The following KLHL36 variants were observed in gnomAD, a reference collection of about 807,000 sequenced individuals.
The protein encoded by KLHL36 is kelch like family member 36.
Under a neutral mutation model 53.3 loss-of-function variants are expected in KLHL36, and 35 were observed. The ratio of observed to expected loss-of-function variants is 0.66; its 90% CI spans 0.50 to 0.87. KLHL36 has a LOEUF of 0.87. Among genes scored for constraint, KLHL36 ranks in the 40% least tolerant of loss-of-function variants. KLHL36 has a pLI of 0.00. For missense variants in KLHL36, 864 were observed against 897.6 expected (o/e 0.96, Z 0.48); for synonymous variants, 472 against 398.9 (o/e 1.18, Z -2.18).
rs1907627632 is a variant in KLHL36, at chr16:84,662,658, C to A, written c.*525C>A. On this transcript the variant is annotated 3_prime_UTR_variant, in exon 5 of 5. Coordinates refer to ENST00000564996, the MANE Select transcript of KLHL36 (RefSeq NM_024731.4). ...TTGGAATTCTGGGTATTAGTCACAT[C>A]TGGGAATCACTGGCAAGGTCCAGTG... The A allele has an allele frequency of 6.5e-6, 1 of 153,356 alleles. No homozygotes were observed. The highest frequency in any genetic ancestry group is 2.4e-5 in the African/African-American group (1 of 41,450). The allele number at this position is 153,356 out of a possible 1,614,324, so 9.5% of individuals were successfully genotyped here.
intron 4 of KLHL36, among the ~76,000 whole-genome samples, chr16:84,660,619 C>T (rs749387642): frequency 2.6e-5 from 4 of 151,968 alleles, no homozygotes; most frequent in African/African-American, 7.3e-5. Flanking sequence ...GTGGGGTAAG[C>T]GCTCGTATTT....
chr16:84,652,887 T>C (rs142686689), intron 2 of KLHL36, among the ~76,000 whole-genome samples: 1 of 152,358 alleles, frequency 6.6e-6, no homozygotes, highest in Non-Finnish European at 1.5e-5. Context: ...GTCTTCCCAC[T>C]GTGTGGCCAC....
intron 2 of KLHL36, among the ~76,000 whole-genome samples, chr16:84,655,725 G>T (rs181315242): frequency 6.8e-6 from 1 of 147,272 alleles, no homozygotes; most frequent in African/African-American, 2.5e-5. Context: ...AAAAAAAGTC[G>T]AACCACATAG....
Position 84,650,845 on chromosome 16 carries a change from C to T in KLHL36, c.-16-7C>T. 6.2e-7 allele frequency: 1 copy of T among 1,605,726 alleles called. No homozygotes were observed. Among genetic ancestry groups the T allele is most frequent in the Non-Finnish European group, 8.5e-7 (1 of 1,174,282 alleles). On this transcript the variant is annotated splice_polypyrimidine_tract_variant and splice_region_variant and intron_variant, in intron 1 of 4. Transcript: ENST00000564996. ...CTGCATGCTCAGAAATCCTGTTCTT[C>T]TCCTAGGGCTGAAATCTCTTTAATG...
intron 2 of KLHL36, among the ~76,000 whole-genome samples, chr16:84,655,583 A>C (rs1907152084): frequency 6.6e-6 from 1 of 151,824 alleles, no homozygotes; most frequent in African/African-American, 2.4e-5. Flanking sequence ...ACACACCCGT[A>C]GTCCCAGCTA....
chr16:84,659,953 G>A (rs1406514607), intron 4 of KLHL36, 36 bp downstream of exon 4: 4 of 1,589,376 alleles, frequency 2.5e-6, no homozygotes, highest in Non-Finnish European at 3.4e-6. Context: ...CTCCAAATGG[G>A]ATGTTTTTAA....
At chr16:84,656,356 A>G (rs954975448) in intron 2 of KLHL36, among the ~76,000 whole-genome samples, 1 of 149,490 alleles carries the variant, frequency 6.7e-6, no homozygotes, top group African/African-American at 2.5e-5. Context: ...TGCAACCTCC[A>G]TCTCCTGGGT....
At chr16:84,650,652 T>C (rs1359340359) in intron 1 of KLHL36, among the ~76,000 whole-genome samples, 200 bp from the exon 2 acceptor site, 1 of 152,100 alleles carries the variant, frequency 6.6e-6, no homozygotes, top group South Asian at 2.1e-4. Context: ...GAATGGGAGT[T>C]AAATGTTCTG....
rs1907714712 is a variant in KLHL36 at position 84,664,199 on chromosome 16, T to C, written c.*2066T>C. The stretch of plus-strand genomic sequence containing the variant: ...TTACCCCCTTCCTATTCGGGAAAGG[T>C]TTTATTGCTTGTAGACCCCTCAGAA... On this transcript the variant is annotated 3_prime_UTR_variant, in exon 5 of 5. Transcript: ENST00000564996. 6.6e-6 allele frequency: 1 copy of C among 152,050 alleles called. No individual in the cohort carries two copies. Among genetic ancestry groups the C allele is most frequent in the Non-Finnish European group, 1.5e-5 (1 of 68,018 alleles). The allele number at this position is 152,050 out of a possible 1,614,324, so 9.4% of individuals were successfully genotyped here.
intron 1 of KLHL36, 32 bp from the exon 2 acceptor site, chr16:84,650,820 C>T (rs760897845): frequency 2.7e-6 from 4 of 1,500,042 alleles, no homozygotes; most frequent in Non-Finnish European, 2.8e-6. Context: ...AGAGTTATGA[C>T]TGCATGCTCA....
At position 84,657,525 on chromosome 16, in the gene KLHL36, A is replaced by G. The variant is rs1907287397; in HGVS notation, c.718A>G (p.Ile240Val). ...GCTGGAGAACATCCACTTCCCGCTC[A>G]TCCCCAAGAACGACCTGCTGCACCG... is the stretch of plus-strand genomic sequence containing the variant. ...QVLENIHFPL[I>V]PKNDLLHRVK... The change falls in exon 3 of 5, where the codon ATC becomes GTC. Residue 240 changes from isoleucine (I) to valine (V), a missense_variant. Physicochemically the swap from Ile to Val is conservative, Grantham distance 29. Transcript: ENST00000564996. 1.9e-6 allele frequency: 3 copies of G among 1,610,024 alleles called. No homozygotes were observed. The highest frequency in any genetic ancestry group is 2.5e-6 in the Non-Finnish European group (3 of 1,179,876).
chr16:84,654,010 C>A (rs754073958), intron 2 of KLHL36, among the ~76,000 whole-genome samples: 1 of 152,302 alleles, frequency 6.6e-6, no homozygotes, highest in African/African-American at 2.4e-5. Flanking sequence ...TGCTCTTGCC[C>A]CCTGCCCCAG....
At chr16:84,659,489 C>A in intron 3 of KLHL36, 1 of 407,510 alleles carries the variant, frequency 2.5e-6, no homozygotes, top group Non-Finnish European at 4.5e-6. Context: ...ACGACATGAC[C>A]AGAGAAGTTC....
At chr16:84,653,175 C>A (rs1305575453) in intron 2 of KLHL36, among the ~76,000 whole-genome samples, 1 of 152,020 alleles carries the variant, frequency 6.6e-6, no homozygotes, top group African/African-American at 2.4e-5. Flanking sequence ...TATGATCGCA[C>A]CACTGTACTC....
chr16:84,650,998 C>G (rs1041370275), intron 2 of KLHL36, 68 bp downstream of exon 2: 2 of 1,290,990 alleles, frequency 1.5e-6, no homozygotes, highest in Non-Finnish European at 2.2e-6. Flanking sequence ...CTGATTCACT[C>G]ATTTCTAATC....
In KLHL36 at chr16:84,663,451, G is replaced by GA. The variant is rs2092885487; in HGVS notation, c.*1321dup. 1 of 152,226 alleles carries GA rather than the reference G, an allele frequency of 6.6e-6. No homozygotes were observed. The highest frequency in any genetic ancestry group is 2.4e-5 in the African/African-American group (1 of 41,434). The allele number at this position is 152,226 out of a possible 1,614,324, so 9.4% of individuals were successfully genotyped here. A position where few individuals can be genotyped will look rare whatever the true frequency, so the allele number is the denominator to read the frequency against. On this transcript the variant is annotated 3_prime_UTR_variant, in exon 5 of 5. Transcript: ENST00000564996. The stretch of plus-strand genomic sequence containing the variant: ...GGCTCTTAGCTGCCCGAGTGGATGA[G>GA]AAACGTGCAGAACTATGGGAGGATA...
In KLHL36 at chr16:84,650,811, G is replaced by C. The variant is rs1906825660; in HGVS notation, c.-16-41G>C. On this transcript the variant is annotated intron_variant, in intron 1 of 4. Transcript: ENST00000564996. ...GGGCCTGAAATTAATGAATGACCTA[G>C]AGTTATGACTGCATGCTCAGAAATC... 5 of 1,415,730 alleles carry C rather than the reference G, an allele frequency of 3.5e-6. No homozygotes were observed. In the Admixed American group the frequency reaches 8.7e-5, roughly 25 times the overall value. 87.7% of individuals were successfully genotyped at this position (1,415,730 alleles called of 1,614,324 possible).
rs1384198405 is a variant in KLHL36, at chr16:84,648,742, C to T, written c.-17+93C>T. The T allele has an allele frequency of 6.8e-6, 1 of 147,990 alleles. No homozygotes were observed. The highest frequency in any genetic ancestry group is 1.5e-5 in the Non-Finnish European group (1 of 66,216). The allele number at this position is 147,990 out of a possible 1,614,324, so 9.2% of individuals were successfully genotyped here. ...GAGCTGGCGGAGATCGGGAGGGTCC[C>T]CGGCCACCGCGAGCCGCGACCCCCC... On this transcript the variant is annotated intron_variant, in intron 1 of 4. Coordinates refer to ENST00000564996, the MANE Select transcript of KLHL36 (RefSeq NM_024731.4). The surrounding 1 kb of genome is among the most constrained non-coding windows in gnomAD (Gnocchi z 4.9).
chr16:84,661,872 G>C lies in KLHL36; in HGVS notation c.1590G>C (p.Ala530=), dbSNP rs574058365. 27 of 1,600,074 alleles carry C rather than the reference G, an allele frequency of 1.7e-5. No individual in the cohort carries two copies. The highest frequency in any genetic ancestry group is 2.3e-5 in the Non-Finnish European group (27 of 1,169,478). The part of the protein sequence containing the change: ...SPQCNQWTRV[A]PLLHANSESG... ...AGTGCAACCAGTGGACCCGCGTGGC[G>C]CCGCTGCTGCACGCCAACAGCGAGT... is the stretch of plus-strand genomic sequence containing the variant. Residue 530 remains alanine (A), a synonymous_variant, in exon 5 of 5, where the codon GCG becomes GCC. Coordinates refer to ENST00000564996, the MANE Select transcript of KLHL36 (RefSeq NM_024731.4). The surrounding 1 kb of genome is among the most constrained non-coding windows in gnomAD (Gnocchi z 7.9).
Sources: gnomAD v4.1 joint callset for allele counts (sites outside exome capture counted in the v4.1 genomes callset) on GRCh38, gnomAD v4.1.1 for gene constraint, Gnocchi (gnomAD v3.1) non-coding constraint, MANE v1.5 for transcripts, NCBI Gene and HGNC (gene_info 2026-07-23, HGNC 2026-07-21) for gene names.